Variants in PCSK6 observed in about 807,000 individuals in gnomAD.
PCSK6 encodes proprotein convertase subtilisin/kexin type 6.
In PCSK6, 85 loss-of-function variants were observed where a neutral mutation model predicts 123.3. The observed-to-expected ratio is 0.69, with a 90% confidence interval of 0.58 to 0.83. PCSK6 has a LOEUF of 0.83. Among genes scored for constraint, PCSK6 ranks in the 40% least tolerant of loss-of-function variants. The pLI is 0.00. For synonymous variants in PCSK6, 508 were observed against 516.0 expected, an observed-to-expected ratio of 0.98 and a Z score of 0.21; for missense variants, 1,191 against 1,282.3, an observed-to-expected ratio of 0.93 and a Z score of 1.09.
rs909103434 is a variant in PCSK6 at position 101,305,157 on chromosome 15, G to A, written c.*101C>T. 8 of 962,762 alleles carry A rather than the reference G, an allele frequency of 8.3e-6. No individual in the cohort carries two copies. The highest frequency in any genetic ancestry group is 8.0e-5 in the African/African-American group (5 of 62,120). 59.6% of individuals were successfully genotyped at this position (962,762 alleles called of 1,614,324 possible). On this transcript the variant is annotated 3_prime_UTR_variant, in exon 22 of 22. Transcript: ENST00000611716. The surrounding 1 kb of genome is among the most constrained non-coding windows in gnomAD (Gnocchi z 4.8). The stretch of plus-strand genomic sequence containing the variant: ...TCCTGGGGAGATAAAGCTGTCAGGT[G>A]CAGGGCGCCGCTCCTGAAACAGACT...
intron 21 of PCSK6, among the ~76,000 whole-genome samples, chr15:101,306,148 G>A (rs888241816): frequency 4.6e-5 from 7 of 152,044 alleles, no homozygotes; most frequent in African/African-American, 9.7e-5. Flanking sequence ...ATGGGGGGAA[G>A]GGAGCCGCCG....
chr15:101,484,843 G>C (rs2057981721), intron 1 of PCSK6, among the ~76,000 whole-genome samples: 1 of 152,156 alleles, frequency 6.6e-6, no homozygotes, highest in Non-Finnish European at 1.5e-5. Flanking sequence ...CTTGCATGGT[G>C]TGACTATTTT....
At chr15:101,471,479 C>T (rs147768581) in intron 1 of PCSK6, among the ~76,000 whole-genome samples, 1 of 152,356 alleles carries the variant, frequency 6.6e-6, no homozygotes, top group Non-Finnish European at 1.5e-5. Flanking sequence ...ACTAAAATCA[C>T]TTGATCAAAC....
chr15:101,331,786 AAG>A (rs1441647893), intron 14 of PCSK6, 64 bp downstream of exon 14: 4 of 1,600,832 alleles, frequency 2.5e-6, no homozygotes, highest in Non-Finnish European at 3.4e-6. Flanking sequence ...CCTACATTTT[AAG>A]AGCTACTCTG....
chr15:101,307,383 TC>T, intron 20 of PCSK6, 58 bp from the exon 21 acceptor site: 1 of 1,311,724 alleles, frequency 7.6e-7, no homozygotes, highest in South Asian at 1.2e-5. Context: ...CACTCCGGGC[TC>T]CCTTCCCAGA....
chr15:101,402,395 G>A (rs1038681590), intron 6 of PCSK6, among the ~76,000 whole-genome samples: 5 of 151,120 alleles, frequency 3.3e-5, no homozygotes, highest in African/African-American at 1.2e-4. Context: ...AAAAGCAATG[G>A]CACCAAAAGA....
At chr15:101,396,305 C>G (rs778426678) in intron 7 of PCSK6, among the ~76,000 whole-genome samples, 21 of 152,128 alleles carry the variant, frequency 1.4e-4, no homozygotes, top group Non-Finnish European at 2.9e-4. Flanking sequence ...CTCTGCAGCT[C>G]CAACCTCCCC....
intron 6 of PCSK6, among the ~76,000 whole-genome samples, chr15:101,402,422 G>A (rs2042617658): frequency 6.6e-6 from 1 of 151,564 alleles, no homozygotes; most frequent in African/African-American, 2.4e-5. Context: ...TGACAAATGG[G>A]ATCTAATTAA....
chr15:101,390,754 T>C (rs2042209745), intron 8 of PCSK6, among the ~76,000 whole-genome samples: 1 of 152,190 alleles, frequency 6.6e-6, no homozygotes, highest in Non-Finnish European at 1.5e-5. Context: ...ACCACGGCCC[T>C]GCCAGCACCT....
intron 2 of PCSK6, among the ~76,000 whole-genome samples, chr15:101,433,571 C>G (rs950076982): frequency 6.6e-6 from 1 of 152,178 alleles, no homozygotes. Flanking sequence ...GAGTTCCAAA[C>G]AGGGCAGGCT....
chr15:101,408,636 G>A (rs1469978503), intron 6 of PCSK6, among the ~76,000 whole-genome samples: 1 of 152,234 alleles, frequency 6.6e-6, no homozygotes. Flanking sequence ...CTCCCTGACA[G>A]CAGCAGCTCC....
intron 11 of PCSK6, among the ~76,000 whole-genome samples, chr15:101,377,011 T>C (rs2041765662): frequency 6.6e-6 from 1 of 152,234 alleles, no homozygotes; most frequent in African/African-American, 2.4e-5. Context: ...TGCATAGTTC[T>C]GAGACAGCCC....
intron 13 of PCSK6, among the ~76,000 whole-genome samples, chr15:101,345,858 G>C (rs2040717296): frequency 6.6e-6 from 1 of 152,146 alleles, no homozygotes; most frequent in Non-Finnish European, 1.5e-5. Flanking sequence ...GGTAGAGGCG[G>C]GGTTTCACCC....
chr15:101,438,509 T>C (rs1194369045), intron 2 of PCSK6, among the ~76,000 whole-genome samples: 1 of 152,244 alleles, frequency 6.6e-6, no homozygotes, highest in Non-Finnish European at 1.5e-5. Flanking sequence ...TATGTGGCCT[T>C]GACCCTCGAT....
intron 13 of PCSK6, among the ~76,000 whole-genome samples, chr15:101,352,139 T>TC (rs1353439817): frequency 8.4e-6 from 1 of 119,292 alleles, no homozygotes. Context: ...TTTTTCTAAT[T>TC]TTTTTTTTTT....
chr15:101,458,405 A>G (rs1274294193), intron 1 of PCSK6, among the ~76,000 whole-genome samples: 1 of 152,110 alleles, frequency 6.6e-6, no homozygotes, highest in Non-Finnish European at 1.5e-5. Context: ...GAGCTGGGCA[A>G]TGTGGCCCGG....
chr15:101,307,104 T>A (rs747776364), intron 21 of PCSK6, 109 bp downstream of exon 21: 35 of 746,848 alleles, frequency 4.7e-5, no homozygotes, highest in Non-Finnish European at 7.9e-5. Context: ...CACGAACGCC[T>A]GTCTGTGGAG....
At chr15:101,346,524 T>C (rs1030797186) in intron 13 of PCSK6, 25 of 232,154 alleles carry the variant, frequency 1.1e-4, no homozygotes, top group African/African-American at 4.5e-4. Flanking sequence ...GAGACGTAGT[T>C]TGAACACGAA....
At chr15:101,349,350 A>G (rs11630183) in intron 13 of PCSK6, among the ~76,000 whole-genome samples, 39,392 of 152,208 alleles carry the variant, frequency 0.26, 6,348 homozygotes, top group African/African-American at 0.46. Context: ...TGCTGAGTTC[A>G]AAAGTCAGAA....
Sources: allele counts gnomAD v4.1 joint callset (sites outside exome capture counted in the v4.1 genomes callset), GRCh38; gene constraint gnomAD v4.1.1; non-coding constraint Gnocchi (gnomAD v3.1); transcripts MANE v1.5; gene names NCBI Gene and HGNC (gene_info 2026-07-23, HGNC 2026-07-21).